The following AMBRA1 variants were observed in gnomAD, a reference collection of about 807,000 sequenced individuals.
AMBRA1 encodes the protein autophagy and beclin 1 regulator 1.
A neutral mutation model predicts 125.4 loss-of-function variants in AMBRA1; 47 were observed. That is an observed-to-expected ratio of 0.37 (90% CI 0.30 to 0.48). The LOEUF (loss-of-function observed/expected upper bound fraction) is 0.48. Among genes scored for constraint, AMBRA1 ranks in the 20% least tolerant of loss-of-function variants. The probability of loss-of-function intolerance (pLI) is 0.99; values close to 1 mark genes in which losing one functional copy is unlikely to be tolerated. For missense variants in AMBRA1, 1,331 were observed against 1,693.4 expected (o/e 0.79, Z 3.76); for synonymous variants, 626 against 655.5 (o/e 0.95, Z 0.69).
chr11:46,527,156 A>G (rs1274173877), intron 7 of AMBRA1, among the ~76,000 whole-genome samples: 7 of 152,100 alleles, frequency 4.6e-5, no homozygotes, highest in Admixed American at 4.6e-4. Flanking sequence ...AATTTGAGAA[A>G]TTAAGGCTAT....
chr11:46,424,336 A>T (rs2136673343), intron 14 of AMBRA1, among the ~76,000 whole-genome samples: 1 of 151,780 alleles, frequency 6.6e-6, no homozygotes, highest in Non-Finnish European at 1.5e-5. Flanking sequence ...GCAACCTCCT[A>T]TGATTTGCTG....
chr11:46,481,762 G>C lies in AMBRA1; in HGVS notation c.2521+11846C>G, dbSNP rs1424662202. ...ACCCCATGGTGGTTCTGTTGGAAAA[G>C]AGCAGGACTGCCTGAGGTCCAACTC... On this transcript the variant is annotated intron_variant, in intron 11 of 17. Transcript: ENST00000683756. 2.6e-5 allele frequency among the ~76,000 whole-genome samples: 4 copies of C among 152,226 alleles called. No homozygotes were observed. The East Asian group carries it at 7.7e-4, about 29-fold the overall frequency.
chr11:46,507,125 C>T (rs1434557659), intron 9 of AMBRA1, among the ~76,000 whole-genome samples: 2 of 132,266 alleles, frequency 1.5e-5, no homozygotes, highest in Non-Finnish European at 3.1e-5. Context: ...TGCAGTGAGC[C>T]GAGATTGTGC....
intron 11 of AMBRA1, among the ~76,000 whole-genome samples, chr11:46,482,123 A>C (rs1950094866): frequency 1.3e-5 from 2 of 152,120 alleles, no homozygotes; most frequent in Admixed American, 1.3e-4. Context: ...TTGGCTATTC[A>C]GGCTCTTTTC....
intron 9 of AMBRA1, among the ~76,000 whole-genome samples, chr11:46,500,283 AT>A (rs1004599340): frequency 8.0e-5 from 12 of 149,326 alleles, no homozygotes; most frequent in African/African-American, 9.8e-5. Flanking sequence ...AGGACTTAGC[AT>A]TTTTTTTTTA....
chr11:46,548,583 G>A lies in AMBRA1; in HGVS notation c.-120-83C>T. ...GCAAATACAATTCTAGCTCAAAAGG[G>A]AAATTATACTTTTCCTATTTAATGA... On this transcript the variant is annotated intron_variant, in intron 1 of 17. Transcript: ENST00000683756. The A allele has an allele frequency of 3.4e-6, 2 of 581,242 alleles. 1 individual carries two copies. 36.0% of individuals were successfully genotyped at this position (581,242 alleles called of 1,614,324 possible).
At chr11:46,592,463 C>A (rs545237952) in intron 1 of AMBRA1, among the ~76,000 whole-genome samples, 18 of 152,158 alleles carry the variant, frequency 1.2e-4, no homozygotes, top group Admixed American at 3.9e-4. Context: ...AACTACTAAT[C>A]AAATACAACA....
intron 7 of AMBRA1, among the ~76,000 whole-genome samples, chr11:46,538,750 G>A (rs1026469802): frequency 3.3e-5 from 5 of 151,970 alleles, no homozygotes; most frequent in Admixed American, 2.6e-4. Context: ...TGCCTGCTTC[G>A]GCCTCTCAAA....
intron 7 of AMBRA1, among the ~76,000 whole-genome samples, chr11:46,526,993 C>T (rs1473087253): frequency 6.6e-6 from 1 of 152,158 alleles, no homozygotes; most frequent in African/African-American, 2.4e-5. Flanking sequence ...TAAACTTGCT[C>T]ACTGTTTGTA....
intron 1 of AMBRA1, among the ~76,000 whole-genome samples, chr11:46,583,038 G>A (rs141592653): frequency 5.3e-5 from 8 of 151,998 alleles, no homozygotes; most frequent in East Asian, 1.9e-4. Flanking sequence ...AATGACTGTC[G>A]CCAAGTCAAT....
At chr11:46,585,348 A>G (rs1361819079) in intron 1 of AMBRA1, among the ~76,000 whole-genome samples, 1 of 151,268 alleles carries the variant, frequency 6.6e-6, no homozygotes, top group Non-Finnish European at 1.5e-5. Context: ...AATGATCAAT[A>G]AAAATAAATA....
chr11:46,581,872 T>C (rs991881081), intron 1 of AMBRA1, among the ~76,000 whole-genome samples: 18 of 150,606 alleles, frequency 1.2e-4, no homozygotes, highest in African/African-American at 4.2e-4. Flanking sequence ...TTCACCACTA[T>C]GAGAGGCCAA....
At position 46,547,831 on chromosome 11, in the gene AMBRA1, G is replaced by A; in HGVS notation, c.180C>T (p.Ala60=). 5.0e-6 allele frequency: 8 copies of A among 1,611,130 alleles called. No homozygotes were observed. The highest frequency in any genetic ancestry group is 6.8e-6 in the Non-Finnish European group (8 of 1,178,684). The part of the protein sequence containing the change: ...PDSPRSTFLL[A]FSPDRTLLAS... ...ATACTGAGTACCTGTCTGGGCTGAA[G>A]GCCAATAAGAAGGTAGAGCGTGGAC... Residue 60 remains alanine (A), a synonymous_variant, in exon 3 of 18, where the codon GCC becomes GCT. Transcript: ENST00000683756.
At chr11:46,535,852 C>T (rs1319033270) in intron 7 of AMBRA1, among the ~76,000 whole-genome samples, 1 of 152,092 alleles carries the variant, frequency 6.6e-6, no homozygotes, top group African/African-American at 2.4e-5. Context: ...CCTGAGTCAT[C>T]AGTGTAAAGC....
chr11:46,434,115 C>CAAAAAAAAAAAAAAAAAAAAAAA, intron 13 of AMBRA1, among the ~76,000 whole-genome samples: 1 of 53,556 alleles, frequency 1.9e-5, no homozygotes. Flanking sequence ...AACTCCGTCT[C>CAAAAAAAAAAAAAAAAAAAAAAA]AAAAAAAAAA....
At chr11:46,429,066 T>C in intron 14 of AMBRA1, 3 of 1,610,602 alleles carry the variant, frequency 1.9e-6, no homozygotes, top group Non-Finnish European at 2.5e-6. Flanking sequence ...TGCTTAGGCA[T>C]GTGGACATCC....
intron 7 of AMBRA1, among the ~76,000 whole-genome samples, chr11:46,518,984 CG>C: frequency 6.6e-6 from 1 of 152,076 alleles, no homozygotes; most frequent in East Asian, 1.9e-4. Context: ...AAAAAGTGGT[CG>C]GAGCAGATCA....
intron 11 of AMBRA1, among the ~76,000 whole-genome samples, chr11:46,444,347 T>C (rs976652886): frequency 4.6e-5 from 7 of 152,318 alleles, no homozygotes; most frequent in Middle Eastern, 3.4e-3. Context: ...TATATTCTTC[T>C]GTATGACATT....
chr11:46,434,607 C>T (rs940837628), intron 13 of AMBRA1, among the ~76,000 whole-genome samples: 2 of 152,204 alleles, frequency 1.3e-5, no homozygotes, highest in African/African-American at 4.8e-5. Context: ...TGTGCTACAA[C>T]CACCTCCTCC....
Sources: gnomAD v4.1 joint callset for allele counts (sites outside exome capture counted in the v4.1 genomes callset) on GRCh38, gnomAD v4.1.1 for gene constraint, MANE v1.5 for transcripts, NCBI Gene and HGNC (gene_info 2026-07-23, HGNC 2026-07-21) for gene names.